ADGB: variants seen among roughly 807,000 people sequenced by gnomAD.
ADGB encodes androglobin, also known as calpain-7-like protein.
In ADGB, 172 loss-of-function variants were observed where a neutral mutation model predicts 210.5. The ratio of observed to expected loss-of-function variants is 0.82; its 90% CI spans 0.72 to 0.93. ADGB has a LOEUF of 0.93. ADGB is among the 40% of genes least tolerant of loss of function. The pLI is 0.00. For missense variants in ADGB, 2,025 were observed against 1,964.8 expected, an observed-to-expected ratio of 1.03 and a Z score of -0.58; for synonymous variants, 658 against 662.7, an observed-to-expected ratio of 0.99 and a Z score of 0.11.
At chr6:146,766,936 C>T (rs2114628828) in intron 28 of ADGB, among the ~76,000 whole-genome samples, 1 of 152,204 alleles carries the variant, frequency 6.6e-6, no homozygotes, top group Non-Finnish European at 1.5e-5. Flanking sequence ...CAGTATTAGT[C>T]ACTACAGTAA....
At chr6:146,644,122 T>C (rs1253859702) in intron 2 of ADGB, among the ~76,000 whole-genome samples, 1 of 151,762 alleles carries the variant, frequency 6.6e-6, no homozygotes, top group Non-Finnish European at 1.5e-5. Flanking sequence ...ATAAAACTGT[T>C]CTATATCTTG....
chr6:146,719,769 G>C (rs963083453), intron 16 of ADGB, among the ~76,000 whole-genome samples: 1 of 152,004 alleles, frequency 6.6e-6, no homozygotes, highest in Non-Finnish European at 1.5e-5. Context: ...AATGAGCTCC[G>C]GGCAGAAACT....
intron 35 of ADGB, among the ~76,000 whole-genome samples, chr6:146,811,351 G>C (rs1778299685): frequency 6.6e-6 from 1 of 151,840 alleles, no homozygotes; most frequent in Non-Finnish European, 1.5e-5. Flanking sequence ...TTTAATTGCT[G>C]TGTAACATTC....
intron 9 of ADGB, among the ~76,000 whole-genome samples, chr6:146,678,929 A>G (rs1012761933): frequency 2.0e-5 from 3 of 152,166 alleles, no homozygotes; most frequent in Non-Finnish European, 4.4e-5. Flanking sequence ...ACTGGCAGGA[A>G]GTTATTTTCT....
intron 2 of ADGB, among the ~76,000 whole-genome samples, chr6:146,640,133 T>C (rs1775485450): frequency 6.6e-6 from 1 of 151,982 alleles, no homozygotes; most frequent in African/African-American, 2.4e-5. Flanking sequence ...TACAAACTCC[T>C]CTATGCACAC....
In ADGB at chr6:146,784,785, A is replaced by G. The variant is rs1039974835; in HGVS notation, c.4203A>G (p.Arg1401=). The G allele has an allele frequency of 9.0e-6, 14 of 1,547,520 alleles. No individual in the cohort carries two copies. The Admixed American group carries it at 1.0e-4, about 11-fold the overall frequency. ...KQAWETTEPG[R]AIKASQARLH... is the part of the protein sequence containing the mutation. Reference sequence around the variant, plus strand: ...CCTGGGAGACAACTGAGCCAGGAAGAGCAATCAAGGTCACCTGATTTCGAA... The same window carrying G: ...CCTGGGAGACAACTGAGCCAGGAAGGGCAATCAAGGTCACCTGATTTCGAA... Residue 1401 remains arginine, a synonymous_variant, in exon 31 of 36, where the codon AGA becomes AGG. Coordinates refer to ENST00000397944, the MANE Select transcript of ADGB (RefSeq NM_024694.4).
intron 29 of ADGB, among the ~76,000 whole-genome samples, chr6:146,771,914 C>T (rs941506426): frequency 3.9e-5 from 6 of 152,132 alleles, no homozygotes; most frequent in Non-Finnish European, 8.8e-5. Flanking sequence ...CAGAGAATGA[C>T]AGCCAGTTCT....
chr6:146,626,239 T>C (rs1224076943), intron 1 of ADGB, among the ~76,000 whole-genome samples: 1 of 152,018 alleles, frequency 6.6e-6, no homozygotes, highest in Non-Finnish European at 1.5e-5. Flanking sequence ...ATATTTGATG[T>C]TATATATATT....
At chr6:146,627,103 A>G (rs893404355) in intron 1 of ADGB, among the ~76,000 whole-genome samples, 5 of 151,978 alleles carry the variant, frequency 3.3e-5, no homozygotes, top group African/African-American at 1.2e-4. Context: ...TCTCTACTTA[A>G]CATTTTGAAA....
chr6:146,815,310 G>C lies in ADGB; in HGVS notation c.*93G>C, dbSNP rs1778374827. 1.1e-6 allele frequency: 1 copy of C among 924,292 alleles called. No homozygotes were observed. The highest frequency in any genetic ancestry group is 3.6e-5 in the South Asian group (1 of 28,110). The allele number at this position is 924,292 out of a possible 1,614,324, so 57.3% of individuals were successfully genotyped here. On this transcript the variant is annotated 3_prime_UTR_variant, in exon 36 of 36. Coordinates refer to ENST00000397944, the MANE Select transcript of ADGB (RefSeq NM_024694.4). ...CTGCTGTTAAGATATTAGGCCAAAT[G>C]AAAATAGAAATTTCTCTTTCTTAGA...
rs1036025601 is a variant in ADGB, at chr6:146,747,782, T to C, written c.3365+1673T>C. Among the ~76,000 whole-genome samples, 5 of 102,440 alleles carry C rather than the reference T, an allele frequency of 4.9e-5. 1 individual carries two copies. Among genetic ancestry groups the C allele is most frequent in the Non-Finnish European group, 8.0e-5 (4 of 50,016 alleles). The allele number at this position is 102,440 out of a possible 152,430, so 67.2% of individuals were successfully genotyped here. On this transcript the variant is annotated intron_variant, in intron 26 of 35. Transcript: ENST00000397944. ...GTGTATATACATATATATATATATG[T>C]ATTTTTTTTTTTTTGAGACAGAGTC...
chr6:146,635,985 T>C (rs539878333), intron 2 of ADGB, among the ~76,000 whole-genome samples: 1 of 152,200 alleles, frequency 6.6e-6, no homozygotes, highest in East Asian at 1.9e-4. Flanking sequence ...TACTATCTCC[T>C]CAAGATATGT....
chr6:146,673,699 A>G (rs574620685), intron 8 of ADGB, among the ~76,000 whole-genome samples: 1 of 152,300 alleles, frequency 6.6e-6, no homozygotes, highest in East Asian at 1.9e-4. Context: ...TGACTGGTAG[A>G]ATTCCAAGCT....
chr6:146,667,426 G>A (rs1775951363), intron 7 of ADGB, among the ~76,000 whole-genome samples: 1 of 151,988 alleles, frequency 6.6e-6, no homozygotes, highest in Non-Finnish European at 1.5e-5. Flanking sequence ...AAGGGAGTGA[G>A]GGGCAGGATA....
At chr6:146,660,980 C>T (rs1562267554) in intron 5 of ADGB, among the ~76,000 whole-genome samples, 1 of 151,914 alleles carries the variant, frequency 6.6e-6, no homozygotes, top group Non-Finnish European at 1.5e-5. Context: ...TCCTTTACTC[C>T]TGTATGTTTC....
At chr6:146,719,925 TAGG>T (rs1168170338) in intron 16 of ADGB, among the ~76,000 whole-genome samples, 1 of 152,084 alleles carries the variant, frequency 6.6e-6, no homozygotes, top group African/African-American at 2.4e-5. Context: ...AAATGGAACA[TAGG>T]GGGAGGAGTA....
At chr6:146,735,600 T>A (rs1583613978) in intron 22 of ADGB, among the ~76,000 whole-genome samples, 1 of 152,218 alleles carries the variant, frequency 6.6e-6, no homozygotes, top group African/African-American at 2.4e-5. Context: ...CACATAAAGT[T>A]AGGGAAATAT....
intron 35 of ADGB, among the ~76,000 whole-genome samples, chr6:146,809,922 C>A (rs753643875): frequency 7.9e-5 from 12 of 151,902 alleles, no homozygotes; most frequent in Non-Finnish European, 1.6e-4. Flanking sequence ...GAGATGACAC[C>A]AGAAGCACAG....
At chr6:146,787,559 G>T (rs967915424) in intron 32 of ADGB, among the ~76,000 whole-genome samples, 1 of 151,978 alleles carries the variant, frequency 6.6e-6, no homozygotes, top group Admixed American at 6.6e-5. Flanking sequence ...CTTGCTCTAG[G>T]GATATATCAA....
Sources: gnomAD v4.1 joint callset for allele counts (sites outside exome capture counted in the v4.1 genomes callset) on GRCh38, gnomAD v4.1.1 for gene constraint, MANE v1.5 for transcripts, NCBI Gene and HGNC (gene_info 2026-07-23, HGNC 2026-07-21) for gene names.